Variants in DPYD observed in about 807,000 individuals in gnomAD.
DPYD encodes dihydropyrimidine dehydrogenase [NADP(+)].
A neutral mutation model predicts 116.2 loss-of-function variants in DPYD; 109 were observed. That is an observed-to-expected ratio of 0.94 (90% CI 0.80 to 1.10). The LOEUF (loss-of-function observed/expected upper bound fraction) is 1.10. Among genes scored for constraint, DPYD ranks in the 50% least tolerant of loss-of-function variants. The pLI, the probability that DPYD is intolerant of heterozygous loss-of-function variation, is 0.00. For missense variants in DPYD, 1,302 were observed against 1,254.5 expected, an observed-to-expected ratio of 1.04 and a Z score of -0.57; for synonymous variants, 440 against 432.0, an observed-to-expected ratio of 1.02 and a Z score of -0.23.
At chr1:97,417,481 A>G (rs2101686390) in intron 14 of DPYD, among the ~76,000 whole-genome samples, 1 of 152,348 alleles carries the variant, frequency 6.6e-6, no homozygotes, top group South Asian at 2.1e-4. Flanking sequence ...TTTCAATTTC[A>G]ACAAATAACA....
intron 18 of DPYD, among the ~76,000 whole-genome samples, chr1:97,256,044 G>C (rs577618044): frequency 1.3e-5 from 2 of 152,220 alleles, no homozygotes; most frequent in African/African-American, 4.8e-5. Flanking sequence ...GATGACTGAT[G>C]ATAGTTGATT....
At position 97,180,703 on chromosome 1, in the gene DPYD, G is replaced by A. The variant is rs183655855; in HGVS notation, c.2622+12366C>T. ...AAAAGCATTATTATACAAGTTTTAA[G>A]TATATAATTAAATAAGGTGCATTCT... is the stretch of plus-strand genomic sequence containing the variant. On this transcript the variant is annotated intron_variant, in intron 20 of 22. Transcript: ENST00000370192. Among the ~76,000 whole-genome samples the A allele has an allele frequency of 5.7e-3, 873 of 152,102 alleles. 21 individuals are homozygous for A. The highest frequency in any genetic ancestry group is 0.052 in the Admixed American group (799 of 15,254).
intron 2 of DPYD, chr1:97,854,951 T>C (rs1286793679): frequency 1.3e-5 from 2 of 152,204 alleles, no homozygotes; most frequent in East Asian, 1.9e-4. Context: ...GAATGCTTTA[T>C]GGGTATGACA....
At chr1:97,125,557 C>G (rs1012534575) in intron 20 of DPYD, among the ~76,000 whole-genome samples, 1 of 151,988 alleles carries the variant, frequency 6.6e-6, no homozygotes, top group African/African-American at 2.4e-5. Context: ...CCAGAATAAG[C>G]CAGAGAAGCA....
intron 13 of DPYD, among the ~76,000 whole-genome samples, chr1:97,493,774 T>C (rs1679104070): frequency 6.6e-6 from 1 of 152,172 alleles, no homozygotes; most frequent in Non-Finnish European, 1.5e-5. Flanking sequence ...TCTCATTTCT[T>C]TCTTAAAAAC....
At chr1:97,507,653 T>C (rs533199443) in intron 13 of DPYD, among the ~76,000 whole-genome samples, 1 of 152,130 alleles carries the variant, frequency 6.6e-6, no homozygotes, top group South Asian at 2.1e-4. Context: ...ATGACATGTT[T>C]GTGAAATTTT....
At chr1:97,118,865 G>A (rs941392538) in intron 20 of DPYD, among the ~76,000 whole-genome samples, 16 of 152,048 alleles carry the variant, frequency 1.1e-4, no homozygotes, top group Non-Finnish European at 1.5e-4. Context: ...ACATTTTGGT[G>A]GTTTAGCGCA....
At chr1:97,543,030 T>G (rs1650572501) in intron 12 of DPYD, among the ~76,000 whole-genome samples, 1 of 152,196 alleles carries the variant, frequency 6.6e-6, no homozygotes, top group Non-Finnish European at 1.5e-5. Context: ...ACAACAAATA[T>G]TCACAAAGCT....
intron 15 of DPYD, among the ~76,000 whole-genome samples, chr1:97,375,266 G>A (rs1463935327): frequency 6.6e-6 from 1 of 152,002 alleles, no homozygotes; most frequent in Non-Finnish European, 1.5e-5. Flanking sequence ...CCTTTCTTTA[G>A]GGCAACAGTT....
intron 16 of DPYD, among the ~76,000 whole-genome samples, chr1:97,328,994 T>C (rs966783395): frequency 3.3e-5 from 5 of 152,218 alleles, no homozygotes; most frequent in African/African-American, 1.2e-4. Flanking sequence ...GCTAATAATT[T>C]GTTTAAAGTT....
At chr1:97,662,573 C>T (rs991026219) in intron 8 of DPYD, among the ~76,000 whole-genome samples, 8 of 152,120 alleles carry the variant, frequency 5.3e-5, no homozygotes, top group African/African-American at 1.9e-4. Context: ...GCAGAGTTTG[C>T]AGTGAGCTGA....
At chr1:97,513,329 C>A (rs1647951592) in intron 13 of DPYD, among the ~76,000 whole-genome samples, 1 of 151,774 alleles carries the variant, frequency 6.6e-6, no homozygotes. Flanking sequence ...GAGGGAGCCA[C>A]ACTGTCAGTA....
At chr1:97,870,969 C>T (rs970265697) in intron 2 of DPYD, among the ~76,000 whole-genome samples, 1 of 151,824 alleles carries the variant, frequency 6.6e-6, no homozygotes, top group Non-Finnish European at 1.5e-5. Flanking sequence ...GCAAAACTCA[C>T]ATATTTATTT....
intron 10 of DPYD, among the ~76,000 whole-genome samples, chr1:97,591,773 A>G (rs991389316): frequency 6.6e-6 from 1 of 152,174 alleles, no homozygotes; most frequent in Non-Finnish European, 1.5e-5. Context: ...CCTATTTCTC[A>G]AGTACAAACT....
intron 16 of DPYD, among the ~76,000 whole-genome samples, chr1:97,362,193 T>A (rs1441754156): frequency 6.6e-6 from 1 of 152,194 alleles, no homozygotes; most frequent in South Asian, 2.1e-4. Flanking sequence ...ATGAGCGAAC[T>A]CCCATTCACG....
chr1:97,503,885 T>A (rs1187998687), intron 13 of DPYD, among the ~76,000 whole-genome samples: 1 of 152,034 alleles, frequency 6.6e-6, no homozygotes, highest in Non-Finnish European at 1.5e-5. Context: ...TAAGTAAAAT[T>A]CAATATGGAT....
rs554298157 is a variant in DPYD at position 97,581,079 on chromosome 1, G to A, written c.1129-7109C>T. On this transcript the variant is annotated intron_variant, in intron 10 of 22. Coordinates refer to ENST00000370192, the MANE Select transcript of DPYD (RefSeq NM_000110.4). Reference sequence around the variant, plus strand: ...TTTGGCCTTTGGGAGGCCAAGGCAGGCAGATCACGAGGTCTGGAGATCCAG... The same window carrying A: ...TTTGGCCTTTGGGAGGCCAAGGCAGACAGATCACGAGGTCTGGAGATCCAG... 2.0e-5 allele frequency among the ~76,000 whole-genome samples: 3 copies of A among 152,028 alleles called. No homozygotes were observed. In the East Asian group the frequency reaches 5.8e-4, roughly 30 times the overall value.
chr1:97,720,705 T>A, intron 5 of DPYD: 1 of 1,405,452 alleles, frequency 7.1e-7, no homozygotes, highest in South Asian at 1.7e-5. Flanking sequence ...AGTCATTAAC[T>A]AAAAATCTAG....
intron 16 of DPYD, among the ~76,000 whole-genome samples, chr1:97,318,505 G>C (rs895181963): frequency 6.6e-6 from 1 of 151,812 alleles, no homozygotes; most frequent in African/African-American, 2.4e-5. Flanking sequence ...TAATGGTAAA[G>C]GGATCAATTC....
Sources: gnomAD v4.1 joint callset for allele counts (sites outside exome capture counted in the v4.1 genomes callset) on GRCh38, gnomAD v4.1.1 for gene constraint, MANE v1.5 for transcripts, NCBI Gene and HGNC (gene_info 2026-07-23, HGNC 2026-07-21) for gene names.